Variants in DPYD observed in about 807,000 individuals in gnomAD.
DPYD encodes the protein dihydropyrimidine dehydrogenase [NADP(+)].
Under a neutral mutation model 116.2 loss-of-function variants are expected in DPYD, and 109 were observed. The ratio of observed to expected loss-of-function variants is 0.94; its 90% CI spans 0.80 to 1.10. The LOEUF (loss-of-function observed/expected upper bound fraction) is 1.10. DPYD is among the 50% of genes least tolerant of loss of function. The probability of loss-of-function intolerance (pLI) is 0.00; values close to 1 mark genes in which losing one functional copy is unlikely to be tolerated. For synonymous variants in DPYD, 440 were observed against 432.0 expected, an observed-to-expected ratio of 1.02 and a Z score of -0.23; for missense variants, 1,302 against 1,254.5, an observed-to-expected ratio of 1.04 and a Z score of -0.57.
chr1:97,389,801 C>T lies in DPYD; in HGVS notation c.1906-7340G>A, dbSNP rs1300837784. 3.3e-5 allele frequency among the ~76,000 whole-genome samples: 5 copies of T among 150,174 alleles called. No homozygotes were observed. In the East Asian group the frequency reaches 9.8e-4, roughly 29 times the overall value. ...ATGATAATTTACTAATCAAATTTTG[C>T]ATATTTCTTTCTCTCTAAAAGGTAT... On this transcript the variant is annotated intron_variant, in intron 14 of 22. Coordinates refer to ENST00000370192, the MANE Select transcript of DPYD (RefSeq NM_000110.4).
At chr1:97,248,510 T>G (rs1662873641) in intron 18 of DPYD, among the ~76,000 whole-genome samples, 2 of 152,228 alleles carry the variant, frequency 1.3e-5, no homozygotes. Context: ...GATGTATGTC[T>G]TTATTAGCAG....
chr1:97,359,668 G>T (rs1214284499), intron 16 of DPYD, among the ~76,000 whole-genome samples: 4 of 152,198 alleles, frequency 2.6e-5, no homozygotes, highest in Admixed American at 1.3e-4. Flanking sequence ...CATTCTTAAA[G>T]AAAAGAATTT....
At chr1:97,484,371 C>G (rs781292205) in intron 13 of DPYD, among the ~76,000 whole-genome samples, 14 of 152,174 alleles carry the variant, frequency 9.2e-5, no homozygotes, top group Non-Finnish European at 1.6e-4. Context: ...GTTCTAACTT[C>G]CAGTGTTGCT....
intron 2 of DPYD, among the ~76,000 whole-genome samples, chr1:97,864,345 T>C (rs1263808775): frequency 1.3e-5 from 2 of 151,846 alleles, no homozygotes; most frequent in Admixed American, 1.3e-4. Context: ...TTCCAGAAGG[T>C]ATGAAATCTT....
At chr1:97,522,717 C>CAA (rs34950626) in intron 12 of DPYD, among the ~76,000 whole-genome samples, 6 of 138,058 alleles carry the variant, frequency 4.3e-5, no homozygotes, top group African/African-American at 1.6e-4. Flanking sequence ...GACTCTGTCT[C>CAA]AAAAAAAAAA....
intron 18 of DPYD, among the ~76,000 whole-genome samples, chr1:97,279,689 T>C (rs1665181887): frequency 1.3e-5 from 2 of 152,146 alleles, no homozygotes; most frequent in African/African-American, 2.4e-5. Flanking sequence ...TTTGTATTTT[T>C]AGTAGAGATG....
At chr1:97,752,147 G>A (rs939121287) in intron 3 of DPYD, among the ~76,000 whole-genome samples, 1 of 151,956 alleles carries the variant, frequency 6.6e-6, no homozygotes, top group South Asian at 2.1e-4. Context: ...TAGCACATTT[G>A]GAAAGCAATG....
intron 2 of DPYD, among the ~76,000 whole-genome samples, chr1:97,877,149 T>A (rs1671963224): frequency 6.6e-6 from 1 of 151,908 alleles, no homozygotes; most frequent in Admixed American, 6.6e-5. Context: ...GAGTGGAACA[T>A]CAGAATGACT....
intron 5 of DPYD, among the ~76,000 whole-genome samples, chr1:97,706,361 A>G (rs1043285005): frequency 2.6e-5 from 4 of 151,996 alleles, no homozygotes; most frequent in African/African-American, 9.7e-5. Context: ...CCCTATTATC[A>G]ACATCCTCTC....
At chr1:97,605,177 T>A (rs1022779065) in intron 8 of DPYD, among the ~76,000 whole-genome samples, 1 of 152,110 alleles carries the variant, frequency 6.6e-6, no homozygotes, top group Non-Finnish European at 1.5e-5. Flanking sequence ...GTTGTAAGAA[T>A]ATTGGGTCCA....
intron 2 of DPYD, 94 bp from the exon 3 acceptor site, chr1:97,828,290 C>T (rs1669346813): frequency 8.8e-7 from 1 of 1,133,144 alleles, no homozygotes; most frequent in Non-Finnish European, 1.3e-6. Flanking sequence ...TTATATTGAT[C>T]ATGGACTCAT....
At chr1:97,762,976 G>A (rs537319154) in intron 3 of DPYD, among the ~76,000 whole-genome samples, 1 of 152,144 alleles carries the variant, frequency 6.6e-6, no homozygotes, top group East Asian at 1.9e-4. Context: ...GAGTTATTAT[G>A]AGGAACAAAG....
At chr1:97,668,074 A>T (rs532384391) in intron 8 of DPYD, among the ~76,000 whole-genome samples, 1 of 152,256 alleles carries the variant, frequency 6.6e-6, no homozygotes, top group Non-Finnish European at 1.5e-5. Flanking sequence ...AGTTCTGTGG[A>T]TGAATAGTGC....
At chr1:97,488,693 A>T (rs961969181) in intron 13 of DPYD, among the ~76,000 whole-genome samples, 4 of 152,164 alleles carry the variant, frequency 2.6e-5, no homozygotes, top group African/African-American at 9.7e-5. Flanking sequence ...GCAGCTTTCC[A>T]CAAGACAAGA....
intron 3 of DPYD, among the ~76,000 whole-genome samples, chr1:97,787,985 T>A (rs572873157): frequency 6.6e-6 from 1 of 152,180 alleles, no homozygotes; most frequent in Non-Finnish European, 1.5e-5. Flanking sequence ...TGCAACACAA[T>A]GTGAAAACTA....
chr1:97,886,087 A>G (rs894995519), intron 1 of DPYD, among the ~76,000 whole-genome samples: 2 of 152,114 alleles, frequency 1.3e-5, no homozygotes, highest in African/African-American at 4.8e-5. Context: ...GCAAACAGCA[A>G]ATGAAGAAAC....
chr1:97,788,339 T>C (rs538633148), intron 3 of DPYD, among the ~76,000 whole-genome samples: 1 of 152,282 alleles, frequency 6.6e-6, no homozygotes, highest in Non-Finnish European at 1.5e-5. Flanking sequence ...TCCAGACCTC[T>C]AGGCTGTAAG....
chr1:97,891,317 TTACTTA>T (rs985902644), intron 1 of DPYD, among the ~76,000 whole-genome samples: 7 of 152,046 alleles, frequency 4.6e-5, no homozygotes, highest in Non-Finnish European at 8.8e-5. Context: ...ACAGGGTACA[TTACTTA>T]TACAGGGAGA....
intron 14 of DPYD, among the ~76,000 whole-genome samples, chr1:97,383,535 G>T (rs1672113296): frequency 6.6e-6 from 1 of 151,146 alleles, no homozygotes; most frequent in Admixed American, 6.6e-5. Flanking sequence ...AAATTGCTAA[G>T]ACTTACATAG....
Sources: gnomAD v4.1 joint callset for allele counts (sites outside exome capture counted in the v4.1 genomes callset) on GRCh38, gnomAD v4.1.1 for gene constraint, MANE v1.5 for transcripts, NCBI Gene and HGNC (gene_info 2026-07-23, HGNC 2026-07-21) for gene names.